Variants in RFX4 observed in about 807,000 individuals in gnomAD.
RFX4 encodes the protein regulatory factor X4, also known as transcription factor RFX4.
A neutral mutation model predicts 95.0 loss-of-function variants in RFX4; 10 were observed. That is an observed-to-expected ratio of 0.11 (90% confidence interval 0.06 to 0.18). The LOEUF (loss-of-function observed/expected upper bound fraction) is 0.18, where lower values mean the gene tolerates loss of function less well. Ranked by LOEUF, RFX4 falls within the 10% of genes least tolerant of loss-of-function variation. The probability of loss-of-function intolerance (pLI) is 1.00; values close to 1 mark genes in which losing one functional copy is unlikely to be tolerated. For synonymous variants in RFX4, 321 were observed against 340.7 expected (o/e 0.94, Z 0.64); for missense variants, 640 against 922.0 (o/e 0.69, Z 3.96).
intron 5 of RFX4, chr12:106,684,667 C>A: frequency 6.9e-7 from 1 of 1,448,498 alleles, no homozygotes; most frequent in Non-Finnish European, 9.1e-7. Context: ...CACCTGAAGC[C>A]ACCGGAACCA....
intron 7 of RFX4, among the ~76,000 whole-genome samples, chr12:106,690,581 T>TG (rs34295126): frequency 0.16 from 23,891 of 152,096 alleles, 2,171 homozygotes; most frequent in East Asian, 0.27. Context: ...GGCTGGTTGC[T>TG]GGGGGGTGAT....
Position 106,732,941 on chromosome 12 carries a change from A to T in RFX4, c.1489A>T (p.Ile497Phe). Residue 497 changes from isoleucine (I) to phenylalanine (F), a missense_variant, in exon 15 of 18, where the codon ATC becomes TTC. Ile to Phe is a conservative substitution (Grantham distance 21). Around this residue, in one of 7 missense-constraint regions of RFX4, gnomAD observed 300 missense variants for 346.8 expected, o/e 0.87. Coordinates refer to ENST00000392842, the MANE Select transcript of RFX4 (RefSeq NM_213594.3). ...EGSTAEVREE[I>F]ILTEAAAPTP... is the part of the protein sequence containing the mutation. ...ATCCACAGCAGAAGTCCGAGAAGAG[A>T]TCATCTTGACAGAGGCTGCCGCACC... 3.1e-6 allele frequency: 5 copies of T among 1,614,050 alleles called. No homozygotes were observed. The highest frequency in any genetic ancestry group is 4.2e-6 in the Non-Finnish European group (5 of 1,179,964).
chr12:106,751,520 C>G (rs940159067), intron 17 of RFX4, among the ~76,000 whole-genome samples: 38 of 150,766 alleles, frequency 2.5e-4, no homozygotes, highest in Non-Finnish European at 4.9e-4. Flanking sequence ...ACACTGACTT[C>G]CACAATGGTT....
intron 2 of RFX4, among the ~76,000 whole-genome samples, chr12:106,610,603 T>C (rs964250011): frequency 6.6e-6 from 1 of 152,242 alleles, no homozygotes; most frequent in Admixed American, 6.5e-5. Flanking sequence ...CTTAGCATAA[T>C]GCCTTCAAGG....
At chr12:106,593,834 A>C (rs1171747599) in intron 1 of RFX4, among the ~76,000 whole-genome samples, 1 of 152,238 alleles carries the variant, frequency 6.6e-6, no homozygotes, top group Non-Finnish European at 1.5e-5. Context: ...TGAATAAGTC[A>C]AGTTTCTATT....
intron 15 of RFX4, among the ~76,000 whole-genome samples, chr12:106,746,629 T>C (rs538692741): frequency 6.6e-6 from 1 of 152,302 alleles, no homozygotes; most frequent in South Asian, 2.1e-4. Flanking sequence ...AGGTATCCAA[T>C]TAAATTAAAA....
At chr12:106,700,593 AGACGGGGTTTCACCTTGTTAGCCAGG>A (rs2041969431) in intron 8 of RFX4, among the ~76,000 whole-genome samples, 1 of 150,728 alleles carries the variant, frequency 6.6e-6, no homozygotes, top group African/African-American at 2.4e-5. Flanking sequence ...TTTTTAGTAG[AGACGGGGTTTCACCTTGTTAGCCAGG>A]ATGGTCTCGA....
intron 4 of RFX4, 26 bp downstream of exon 4, chr12:106,654,377 C>A: frequency 6.2e-7 from 1 of 1,604,458 alleles, no homozygotes. Flanking sequence ...TCAGGCTTGT[C>A]CTCCCTACCA....
chr12:106,747,162 G>A (rs1048231213), intron 15 of RFX4, among the ~76,000 whole-genome samples: 2 of 152,178 alleles, frequency 1.3e-5, no homozygotes, highest in Non-Finnish European at 2.9e-5. Context: ...GAGGAAGAAT[G>A]AGTGGGTAAT....
chr12:106,742,227 C>G (rs942731774), intron 15 of RFX4, among the ~76,000 whole-genome samples: 6 of 152,136 alleles, frequency 3.9e-5, no homozygotes, highest in African/African-American at 1.4e-4. Flanking sequence ...CACTCTGTTG[C>G]CTAGCCTGGA....
At chr12:106,642,705 G>A (rs1160631279) in intron 3 of RFX4, among the ~76,000 whole-genome samples, 1 of 152,190 alleles carries the variant, frequency 6.6e-6, no homozygotes, top group Non-Finnish European at 1.5e-5. Context: ...TGGCTAATAC[G>A]ATAGTGTCTG....
At chr12:106,737,800 G>A (rs1593000464) in intron 15 of RFX4, among the ~76,000 whole-genome samples, 1 of 152,302 alleles carries the variant, frequency 6.6e-6, no homozygotes, top group South Asian at 2.1e-4. Context: ...TGGGTACACA[G>A]CTAGAGAGCC....
In RFX4 at chr12:106,598,120, A is replaced by G. The variant is rs957666952; in HGVS notation, c.44-10677A>G. Among the ~76,000 whole-genome samples, 9 of 152,310 alleles carry G rather than the reference A, an allele frequency of 5.9e-5. No homozygotes were observed. The Middle Eastern group carries it at 0.01, about 173-fold the overall frequency. ...TGAAGAAGTTAATTTGCCTTGATTCATTGCGCTAGTAAGTATTAAGCCTAG... is the reference window on the plus strand; with the variant it reads ...TGAAGAAGTTAATTTGCCTTGATTCGTTGCGCTAGTAAGTATTAAGCCTAG... On this transcript the variant is annotated intron_variant, in intron 1 of 17. Transcript: ENST00000392842.
In RFX4 at chr12:106,732,804, G is replaced by A. The variant is rs530152250; in HGVS notation, c.1472-120G>A. ...GTCATGATGGTGATGGGAAACCATCGAAGAGTTTGACAAGAGAGTGACATC... is the reference window on the plus strand; with the variant it reads ...GTCATGATGGTGATGGGAAACCATCAAAGAGTTTGACAAGAGAGTGACATC... On this transcript the variant is annotated intron_variant, in intron 14 of 17. Transcript: ENST00000392842. 6.8e-5 allele frequency: 64 copies of A among 942,066 alleles called. 2 individuals are homozygous for A. In the South Asian group the frequency reaches 1.1e-3, roughly 15 times the overall value. 58.4% of individuals were successfully genotyped at this position (942,066 alleles called of 1,614,324 possible).
At chr12:106,633,527 T>C (rs747438262) in intron 2 of RFX4, among the ~76,000 whole-genome samples, 11 of 152,184 alleles carry the variant, frequency 7.2e-5, no homozygotes, top group Non-Finnish European at 1.0e-4. Flanking sequence ...CTGTATCTAG[T>C]TCTTAACATA....
At chr12:106,723,890 G>A (rs546660754) in intron 13 of RFX4, among the ~76,000 whole-genome samples, 1 of 152,312 alleles carries the variant, frequency 6.6e-6, no homozygotes, top group South Asian at 2.1e-4. Flanking sequence ...ACTCAGGGAA[G>A]TGGCAGATTG....
intron 3 of RFX4, among the ~76,000 whole-genome samples, chr12:106,643,519 T>C (rs1328413694): frequency 2.0e-5 from 3 of 152,208 alleles, no homozygotes; most frequent in African/African-American, 7.2e-5. Context: ...GTATCATCTT[T>C]TAAAAAATAT....
At chr12:106,661,032 C>T (rs1477419445) in intron 4 of RFX4, among the ~76,000 whole-genome samples, 1 of 152,148 alleles carries the variant, frequency 6.6e-6, no homozygotes, top group African/African-American at 2.4e-5. Flanking sequence ...TCTTCTTCAA[C>T]TCACACTTAT....
intron 13 of RFX4, among the ~76,000 whole-genome samples, chr12:106,723,837 G>A (rs116211573): frequency 8.4e-4 from 128 of 152,332 alleles, no homozygotes; most frequent in African/African-American, 2.9e-3. Flanking sequence ...CCTGTAGTCA[G>A]GAGTGGAAGT....
Sources: gnomAD v4.1 joint callset for allele counts (sites outside exome capture counted in the v4.1 genomes callset) on GRCh38, gnomAD v4.1.1 for gene constraint, gnomAD v4.1.1 regional missense constraint, MANE v1.5 for transcripts, NCBI Gene and HGNC (gene_info 2026-07-23, HGNC 2026-07-21) for gene names.